The following EHBP1 variants were observed in gnomAD, a reference collection of about 807,000 sequenced individuals.
The protein encoded by EHBP1 is EH domain-binding protein 1.
A neutral mutation model predicts 144.0 loss-of-function variants in EHBP1; 55 were observed. The ratio of observed to expected loss-of-function variants is 0.38; its 90% CI spans 0.31 to 0.48. The LOEUF is 0.48. Among genes scored for constraint, EHBP1 ranks in the 20% least tolerant of loss-of-function variants. The pLI is 0.98. For missense variants in EHBP1, 1,200 were observed against 1,364.2 expected, an observed-to-expected ratio of 0.88 and a Z score of 1.90; for synonymous variants, 469 against 472.7, an observed-to-expected ratio of 0.99 and a Z score of 0.10.
At chr2:62,748,568 G>A (rs2039374617) in intron 3 of EHBP1, among the ~76,000 whole-genome samples, 1 of 152,110 alleles carries the variant, frequency 6.6e-6, no homozygotes, top group Admixed American at 6.6e-5. Flanking sequence ...GTTGAGATGA[G>A]AGGATTGCTT....
intron 10 of EHBP1, among the ~76,000 whole-genome samples, chr2:62,901,535 G>A (rs1424729016): frequency 6.6e-6 from 1 of 151,906 alleles, no homozygotes; most frequent in Non-Finnish European, 1.5e-5. Flanking sequence ...AGTTGGAGAT[G>A]CTATTTTATA....
intron 3 of EHBP1, among the ~76,000 whole-genome samples, chr2:62,753,352 A>G (rs1433488455): frequency 6.6e-6 from 1 of 151,888 alleles, no homozygotes; most frequent in Admixed American, 6.6e-5. Context: ...TGGCTTGTAG[A>G]GTTTCTGCCG....
At chr2:62,763,759 C>T (rs1313134170) in intron 3 of EHBP1, among the ~76,000 whole-genome samples, 2 of 152,078 alleles carry the variant, frequency 1.3e-5, no homozygotes, top group African/African-American at 2.4e-5. Context: ...AGGAATATTA[C>T]CTGGAGAAAC....
intron 7 of EHBP1, among the ~76,000 whole-genome samples, chr2:62,839,061 T>C (rs1311974283): frequency 6.8e-6 from 1 of 147,794 alleles, no homozygotes; most frequent in Non-Finnish European, 1.5e-5. Flanking sequence ...TAGACCAATA[T>C]CCTTGATGAA....
chr2:63,021,181 ACTCTC>A (rs1346483376), intron 19 of EHBP1, among the ~76,000 whole-genome samples: 2 of 149,686 alleles, frequency 1.3e-5, no homozygotes, highest in Admixed American at 6.7e-5. Flanking sequence ...TTCTATCATA[ACTCTC>A]CTCTTCTCTG....
chr2:62,773,021 T>C (rs762400073), intron 5 of EHBP1, among the ~76,000 whole-genome samples: 5 of 152,224 alleles, frequency 3.3e-5, no homozygotes, highest in Non-Finnish European at 5.9e-5. Context: ...AGAGCACAGA[T>C]GTACATGTTA....
At chr2:63,021,279 T>C (rs1165823144) in intron 19 of EHBP1, among the ~76,000 whole-genome samples, 2 of 151,980 alleles carry the variant, frequency 1.3e-5, no homozygotes, top group East Asian at 3.9e-4. Context: ...AAAGTACTGG[T>C]TTAGGAATTT....
At chr2:63,000,204 C>T (rs2059792569) in intron 19 of EHBP1, among the ~76,000 whole-genome samples, 1 of 152,102 alleles carries the variant, frequency 6.6e-6, no homozygotes, top group East Asian at 1.9e-4. Context: ...GTAAAAGGCT[C>T]ATACAACAAG....
intron 19 of EHBP1, among the ~76,000 whole-genome samples, chr2:63,000,592 G>T (rs143748123): frequency 0.014 from 2,203 of 152,158 alleles, 27 homozygotes; most frequent in Non-Finnish European, 0.022. Context: ...AGCTACTCGG[G>T]AAGCTGAGGC....
intron 2 of EHBP1, among the ~76,000 whole-genome samples, chr2:62,707,509 CAG>C (rs2034714363): frequency 6.6e-6 from 1 of 152,164 alleles, no homozygotes; most frequent in African/African-American, 2.4e-5. Context: ...CAGTATGGCT[CAG>C]AGGACTGTAA....
intron 1 of EHBP1, among the ~76,000 whole-genome samples, chr2:62,675,263 T>G (rs1448927261): frequency 1.3e-5 from 2 of 151,882 alleles, no homozygotes. Flanking sequence ...CAGATAAGGG[T>G]TAAAGCCCAG....
At chr2:62,972,028 G>C (rs1282680165) in intron 14 of EHBP1, among the ~76,000 whole-genome samples, 1 of 152,026 alleles carries the variant, frequency 6.6e-6, no homozygotes, top group Non-Finnish European at 1.5e-5. Flanking sequence ...AAGACATAGG[G>C]GTTTCCTATG....
At chr2:62,830,952 TTAAGAAACCATCA>T (rs777937238) in intron 6 of EHBP1, 54 bp from the exon 7 acceptor site, 101 of 1,527,530 alleles carry the variant, frequency 6.6e-5, no homozygotes, top group Admixed American at 1.5e-4. Context: ...TATTGTTTTC[TTAAGAAACCATCA>T]TTTTTCTAAC....
At chr2:62,961,333 A>G (rs1047231498) in intron 14 of EHBP1, among the ~76,000 whole-genome samples, 4 of 152,216 alleles carry the variant, frequency 2.6e-5, no homozygotes, top group African/African-American at 9.6e-5. Flanking sequence ...TATATGCTTC[A>G]TTCATACCTT....
chr2:62,889,931 G>A (rs2052309713), intron 10 of EHBP1, among the ~76,000 whole-genome samples: 1 of 150,730 alleles, frequency 6.6e-6, no homozygotes, highest in Non-Finnish European at 1.5e-5. Context: ...TCGCTATTCA[G>A]GATAGGCTCT....
At chr2:62,917,175 A>T (rs368139915) in intron 10 of EHBP1, among the ~76,000 whole-genome samples, 1 of 152,302 alleles carries the variant, frequency 6.6e-6, no homozygotes, top group African/African-American at 2.4e-5. Flanking sequence ...ACCACAGGCA[A>T]TTGTAACACA....
At chr2:62,764,659 G>A (rs2041035846) in intron 4 of EHBP1, among the ~76,000 whole-genome samples, 1 of 152,094 alleles carries the variant, frequency 6.6e-6, no homozygotes, top group Non-Finnish European at 1.5e-5. Context: ...AAGCTGAGGA[G>A]TGTGGAATTC....
chr2:63,012,626 T>A (rs1165894388), intron 19 of EHBP1, among the ~76,000 whole-genome samples: 1 of 152,176 alleles, frequency 6.6e-6, no homozygotes. Context: ...TCGTAAAATT[T>A]TGGCCCTCAT....
intron 1 of EHBP1, among the ~76,000 whole-genome samples, chr2:62,690,003 AAG>A (rs2033849167): frequency 6.6e-6 from 1 of 152,228 alleles, no homozygotes; most frequent in Admixed American, 6.5e-5. Flanking sequence ...CTTGGTTCAT[AAG>A]AGAACTGTGC....
Sources: allele counts gnomAD v4.1 joint callset (sites outside exome capture counted in the v4.1 genomes callset), GRCh38; gene constraint gnomAD v4.1.1; transcripts MANE v1.5; gene names NCBI Gene and HGNC (gene_info 2026-07-23, HGNC 2026-07-21).